RBFOX1: variants seen among roughly 807,000 people sequenced by gnomAD.
RBFOX1 encodes RNA binding fox-1 homolog 1.
A neutral mutation model predicts 57.7 loss-of-function variants in RBFOX1; 8 were observed. That is an observed-to-expected ratio of 0.14 (90% CI 0.08 to 0.25). The LOEUF (loss-of-function observed/expected upper bound fraction) is 0.25, where lower values mean the gene tolerates loss of function less well. Among genes scored for constraint, RBFOX1 ranks in the 10% least tolerant of loss-of-function variants. RBFOX1 has a pLI of 1.00. For missense variants in RBFOX1, 611 were observed against 548.5 expected (o/e 1.11, Z -1.14); for synonymous variants, 326 against 222.4 (o/e 1.47, Z -4.15).
At chr16:5,637,102 C>G (rs2048706915) in intron 3 of RBFOX1, among the ~76,000 whole-genome samples, 1 of 152,234 alleles carries the variant, frequency 6.6e-6, no homozygotes, top group Non-Finnish European at 1.5e-5. Flanking sequence ...TTAGCAGTTT[C>G]TGAGCTTGTC....
At chr16:7,185,364 T>A (rs2083506716) in intron 4 of RBFOX1, among the ~76,000 whole-genome samples, 1 of 152,194 alleles carries the variant, frequency 6.6e-6, no homozygotes, top group African/African-American at 2.4e-5. Context: ...CCATGATGTT[T>A]CTGACAGGCA....
intron 3 of RBFOX1, among the ~76,000 whole-genome samples, chr16:5,708,960 A>C (rs1052968276): frequency 2.6e-5 from 4 of 152,200 alleles, no homozygotes; most frequent in African/African-American, 9.7e-5. Context: ...AGAGCAAGAG[A>C]GAACACGGGC....
intron 2 of RBFOX1, among the ~76,000 whole-genome samples, chr16:6,503,303 C>T (rs1272596498): frequency 6.6e-6 from 1 of 152,162 alleles, no homozygotes; most frequent in African/African-American, 2.4e-5. Context: ...TTTTCCACTT[C>T]TCCAGACGAG....
chr16:7,532,682 C>T lies in RBFOX1; in HGVS notation c.270+14293C>T, dbSNP rs561176312. ...GGCTAGGAGTTGGCAAACTGTAGCT[C>T]GTGGGCCGATTCCTGCCTGCGATGT... On this transcript the variant is annotated intron_variant, in intron 5 of 15. Transcript: ENST00000550418. 3.6e-4 allele frequency among the ~76,000 whole-genome samples: 55 copies of T among 152,282 alleles called. No homozygotes were observed. In the South Asian group the frequency reaches 8.7e-3, roughly 24 times the overall value.
chr16:5,842,336 C>G (rs1258373455), intron 3 of RBFOX1, among the ~76,000 whole-genome samples: 1 of 151,978 alleles, frequency 6.6e-6, no homozygotes, highest in Non-Finnish European at 1.5e-5. Context: ...CTGCTTCTGG[C>G]AGGAGGGTTT....
intron 4 of RBFOX1, among the ~76,000 whole-genome samples, chr16:7,447,430 C>CAAAAAAAAAAAAAA (rs202234230): frequency 6.9e-4 from 68 of 98,506 alleles, no homozygotes; most frequent in African/African-American, 2.3e-3. Context: ...GAGTCTATCT[C>CAAAAAAAAAAAAAA]AAAAAAAAAA....
chr16:6,069,172 A>G (rs7185230), intron 1 of RBFOX1, among the ~76,000 whole-genome samples: 141,329 of 152,068 alleles, frequency 0.93, 65,736 homozygotes, highest in African/African-American at 0.96. Context: ...GCCGAGGCGG[A>G]TGGATCACCT....
At chr16:5,420,924 C>A (rs1384960626) in intron 1 of RBFOX1, among the ~76,000 whole-genome samples, 1 of 132,550 alleles carries the variant, frequency 7.5e-6, no homozygotes, top group South Asian at 2.9e-4. Flanking sequence ...TCCACCCCTC[C>A]TCCTCCCCCT....
At chr16:7,005,837 C>A (rs149624446) in intron 3 of RBFOX1, among the ~76,000 whole-genome samples, 2 of 152,148 alleles carry the variant, frequency 1.3e-5, no homozygotes, top group Non-Finnish European at 2.9e-5. Flanking sequence ...GCTTCTTCAC[C>A]GACTACAGCT....
intron 3 of RBFOX1, among the ~76,000 whole-genome samples, chr16:5,651,974 G>A (rs1230544874): frequency 6.6e-6 from 1 of 151,878 alleles, no homozygotes; most frequent in Non-Finnish European, 1.5e-5. Context: ...TTCTACTAAA[G>A]AAAGAAAAAA....
rs761820657 is a variant in RBFOX1 at position 6,866,541 on chromosome 16, A to AATTT, written c.-15-185516_-15-185515insATTT. 2.5e-5 allele frequency among the ~76,000 whole-genome samples: 2 copies of AATTT among 78,886 alleles called. 1 individual carries two copies. The highest frequency in any genetic ancestry group is 1.1e-4 in the African/African-American group (2 of 17,822). The allele number at this position is 78,886 out of a possible 152,430, so 51.8% of individuals were successfully genotyped here. On this transcript the variant is annotated intron_variant, in intron 3 of 15. Transcript: ENST00000550418. ...TAAGGTTAGGGCTTTCTTTCCTTCT[A>AATTT]TTTTTTTTTTTTTTTTTTGAGTTGG...
At chr16:5,422,381 A>AG (rs1190461112) in intron 1 of RBFOX1, among the ~76,000 whole-genome samples, 1 of 107,184 alleles carries the variant, frequency 9.3e-6, no homozygotes, top group South Asian at 3.8e-4. Flanking sequence ...AGCAGAGAAG[A>AG]GAAATGAGGA....
chr16:7,166,913 G>GTT (rs1417016612), intron 4 of RBFOX1, among the ~76,000 whole-genome samples: 1 of 135,484 alleles, frequency 7.4e-6, no homozygotes, highest in East Asian at 2.3e-4. Flanking sequence ...TCTCATTTGA[G>GTT]TTTTTCTTTC....
At chr16:7,059,726 C>T (rs140136940) in intron 4 of RBFOX1, among the ~76,000 whole-genome samples, 1 of 152,278 alleles carries the variant, frequency 6.6e-6, no homozygotes, top group Non-Finnish European at 1.5e-5. Context: ...TATGTAGTGA[C>T]TGTTTGGTAC....
intron 1 of RBFOX1, among the ~76,000 whole-genome samples, chr16:6,031,618 T>C (rs1258454871): frequency 1.3e-5 from 2 of 152,210 alleles, no homozygotes; most frequent in African/African-American, 4.8e-5. Context: ...TTTGTGTACA[T>C]TTCTGCACGT....
intron 1 of RBFOX1, among the ~76,000 whole-genome samples, chr16:6,186,111 A>T (rs1022789462): frequency 1.3e-5 from 2 of 152,222 alleles, no homozygotes; most frequent in Non-Finnish European, 2.9e-5. Flanking sequence ...TTATATCTGT[A>T]TATGAATTCA....
At chr16:6,899,501 C>T (rs886580569) in intron 3 of RBFOX1, among the ~76,000 whole-genome samples, 6 of 152,142 alleles carry the variant, frequency 3.9e-5, no homozygotes, top group Non-Finnish European at 7.3e-5. Flanking sequence ...CTTACTATAC[C>T]ATCTTGAGTG....
chr16:5,520,640 C>G (rs1007762128), intron 2 of RBFOX1, among the ~76,000 whole-genome samples: 3 of 152,204 alleles, frequency 2.0e-5, no homozygotes, highest in Non-Finnish European at 4.4e-5. Context: ...TATTCTTGAT[C>G]ACATCTATTT....
In RBFOX1 at chr16:5,787,958, C is replaced by T. The variant is rs567025954; in HGVS notation, c.319-79345C>T. 2.0e-5 allele frequency among the ~76,000 whole-genome samples: 3 copies of T among 152,328 alleles called. No individual in the cohort carries two copies. In the South Asian group the frequency reaches 6.2e-4, roughly 32 times the overall value. On this transcript the variant is annotated intron_variant, in intron 3 of 19. Transcript: ENST00000641259. ...ACAAGAGAGAGGCAGAGCTGGGCTCCAGACTGTTCAATTCTGAGTTTCTGC... is the reference window on the plus strand; with the variant it reads ...ACAAGAGAGAGGCAGAGCTGGGCTCTAGACTGTTCAATTCTGAGTTTCTGC...
Sources: gnomAD v4.1 joint callset for allele counts (sites outside exome capture counted in the v4.1 genomes callset) on GRCh38, gnomAD v4.1.1 for gene constraint, MANE v1.5 for transcripts, NCBI Gene and HGNC (gene_info 2026-07-23, HGNC 2026-07-21) for gene names.